GRB10: variants seen among roughly 807,000 people sequenced by gnomAD.
GRB10 encodes growth factor receptor bound protein 10, also known as growth factor receptor-bound protein 10.
GRB10 carries 20 observed loss-of-function variants against 80.9 expected under a neutral mutation model. The observed-to-expected ratio is 0.25, with a 90% CI of 0.17 to 0.36. The LOEUF is 0.36. Among genes scored for constraint, GRB10 ranks in the 10% least tolerant of loss-of-function variants. GRB10 has a pLI of 1.00. For synonymous variants in GRB10, 291 were observed against 291.5 expected, an observed-to-expected ratio of 1.00 and a Z score of 0.02; for missense variants, 548 against 747.7, an observed-to-expected ratio of 0.73 and a Z score of 3.12.
In GRB10 at chr7:50,614,739, T is replaced by C. The variant is rs202131757; in HGVS notation, c.1095+31A>G. The C allele has an allele frequency of 6.5e-6, 9 of 1,385,942 alleles. No individual in the cohort carries two copies. In the African/African-American group the frequency reaches 8.5e-5, roughly 13 times the overall value. 85.9% of individuals were successfully genotyped at this position (1,385,942 alleles called of 1,614,324 possible). ...TCAGTCTCCTGTGGGCTGCTGAGCA[T>C]GCGCGCCGTCTGTGGACAGCTCGTG... On this transcript the variant is annotated intron_variant, in intron 12 of 18. Coordinates refer to ENST00000401949, the MANE Select transcript of GRB10 (RefSeq NM_001350814.2).
intron 7 of GRB10, among the ~76,000 whole-genome samples, chr7:50,653,354 AGAG>A (rs1472251102): frequency 6.6e-6 from 1 of 152,222 alleles, no homozygotes; most frequent in Admixed American, 6.5e-5. Flanking sequence ...GGCTTGCACA[AGAG>A]GAGTACAACT....
chr7:50,755,727 C>G (rs1349462400), intron 3 of GRB10, among the ~76,000 whole-genome samples, 160 bp downstream of exon 3: 1 of 152,170 alleles, frequency 6.6e-6, no homozygotes, highest in Non-Finnish European at 1.5e-5. Context: ...AGAGAGAGGA[C>G]AGAGACGGGA....
intron 1 of GRB10, among the ~76,000 whole-genome samples, chr7:50,791,151 G>T (rs1246598599): frequency 1.3e-5 from 2 of 152,180 alleles, no homozygotes; most frequent in Non-Finnish European, 2.9e-5. Flanking sequence ...TGCAATAGAT[G>T]ACTTTAGGGG....
chr7:50,642,870 C>T (rs758642564), intron 7 of GRB10, among the ~76,000 whole-genome samples: 2 of 152,132 alleles, frequency 1.3e-5, no homozygotes, highest in Non-Finnish European at 2.9e-5. Flanking sequence ...AACTGATATT[C>T]CTTCAAGCAG....
intron 7 of GRB10, among the ~76,000 whole-genome samples, chr7:50,627,868 C>CAG (rs1308128568): frequency 1.3e-5 from 2 of 152,236 alleles, no homozygotes; most frequent in Non-Finnish European, 2.9e-5. Context: ...CCCAGGCTGG[C>CAG]TGTGTGGAGC....
chr7:50,665,171 G>A (rs1192973614), intron 7 of GRB10, among the ~76,000 whole-genome samples: 1 of 152,142 alleles, frequency 6.6e-6, no homozygotes, highest in Non-Finnish European at 1.5e-5. Flanking sequence ...GTTCCTCTAT[G>A]CACTCTCCCA....
chr7:50,694,491 G>A (rs552455196), intron 5 of GRB10, among the ~76,000 whole-genome samples: 5 of 152,330 alleles, frequency 3.3e-5, no homozygotes, highest in Admixed American at 6.5e-5. Flanking sequence ...TCATAGAGTG[G>A]ATCTCTCAAT....
chr7:50,594,256 C>T (rs7807340), intron 18 of GRB10, among the ~76,000 whole-genome samples: 7,764 of 152,244 alleles, frequency 0.051, 240 homozygotes, highest in Middle Eastern at 0.11. Context: ...ATTTTCCTCA[C>T]GAGTAAGGTG....
chr7:50,741,203 T>C (rs1327701139), intron 3 of GRB10, among the ~76,000 whole-genome samples: 1 of 152,212 alleles, frequency 6.6e-6, no homozygotes, highest in East Asian at 1.9e-4. Flanking sequence ...TGTTGGTCTA[T>C]TATGTAGGAC....
chr7:50,666,290 C>CAA (rs1363430936), intron 7 of GRB10, among the ~76,000 whole-genome samples: 1 of 152,174 alleles, frequency 6.6e-6, no homozygotes. Context: ...CAGGGTCTGG[C>CAA]AAAACACCCG....
chr7:50,757,976 T>C (rs1297888372), intron 2 of GRB10, among the ~76,000 whole-genome samples: 1 of 152,102 alleles, frequency 6.6e-6, no homozygotes, highest in African/African-American at 2.4e-5. Context: ...TAAAGTGAAA[T>C]ATACTTGTCC....
At chr7:50,688,772 G>T (rs2062412979) in intron 5 of GRB10, among the ~76,000 whole-genome samples, 1 of 151,620 alleles carries the variant, frequency 6.6e-6, no homozygotes, top group Non-Finnish European at 1.5e-5. Flanking sequence ...AGTGACAAGG[G>T]TGGGGGTCGG....
intron 7 of GRB10, among the ~76,000 whole-genome samples, chr7:50,630,750 A>G (rs1351021511): frequency 2.0e-5 from 3 of 152,234 alleles, no homozygotes; most frequent in Non-Finnish European, 4.4e-5. Context: ...GGGCATAATT[A>G]TGTCAACAGC....
chr7:50,599,664 G>C (rs1202122893), intron 17 of GRB10, among the ~76,000 whole-genome samples: 1 of 152,236 alleles, frequency 6.6e-6, no homozygotes, highest in Non-Finnish European at 1.5e-5. Flanking sequence ...CACCAGCCGG[G>C]CTGATTTGGG....
Position 50,673,768 on chromosome 7 carries a change from G to A in GRB10, c.362+668C>T, listed in dbSNP as rs1208424681. Among the ~76,000 whole-genome samples the A allele has an allele frequency of 3.9e-5, 6 of 152,062 alleles. No homozygotes were observed. The East Asian group carries it at 5.8e-4, about 15-fold the overall frequency. ...ACGCCTGTCCAGAACTCTTTCTCACGTGGCTCCTGAAAAAGGCACACAAAG... is the reference window on the plus strand; with the variant it reads ...ACGCCTGTCCAGAACTCTTTCTCACATGGCTCCTGAAAAAGGCACACAAAG... On this transcript the variant is annotated intron_variant, in intron 6 of 18. Coordinates refer to ENST00000401949, the MANE Select transcript of GRB10 (RefSeq NM_001350814.2).
intron 17 of GRB10, among the ~76,000 whole-genome samples, chr7:50,602,808 A>T (rs2153567398): frequency 6.6e-6 from 1 of 152,344 alleles, no homozygotes; most frequent in Admixed American, 6.5e-5. Flanking sequence ...TTGCAGTTAT[A>T]TCAAAACAAA....
intron 7 of GRB10, among the ~76,000 whole-genome samples, chr7:50,659,777 T>C (rs2059053551): frequency 6.6e-6 from 1 of 152,216 alleles, no homozygotes; most frequent in African/African-American, 2.4e-5. Flanking sequence ...CCGGAGGGCA[T>C]AAATGATGGT....
chr7:50,664,445 C>T (rs541407861), intron 7 of GRB10, among the ~76,000 whole-genome samples: 1 of 152,348 alleles, frequency 6.6e-6, no homozygotes, highest in East Asian at 1.9e-4. Context: ...GGCCAGCCCA[C>T]CTGCCAGGGT....
chr7:50,675,043 GGTGT>G (rs2060777084), intron 5 of GRB10, among the ~76,000 whole-genome samples: 3 of 152,158 alleles, frequency 2.0e-5, no homozygotes, highest in Admixed American at 1.3e-4. Flanking sequence ...CTGAATCACA[GGTGT>G]CTCCCAGGAT....
Sources: gnomAD v4.1 joint callset for allele counts (sites outside exome capture counted in the v4.1 genomes callset) on GRCh38, gnomAD v4.1.1 for gene constraint, MANE v1.5 for transcripts, NCBI Gene and HGNC (gene_info 2026-07-23, HGNC 2026-07-21) for gene names.